DENND4C: variants seen among roughly 807,000 people sequenced by gnomAD.
DENND4C encodes the protein DENN domain containing 4C.
Under a neutral mutation model 203.0 loss-of-function variants are expected in DENND4C, and 108 were observed. That is an observed-to-expected ratio of 0.53 (90% CI 0.46 to 0.62). The LOEUF (loss-of-function observed/expected upper bound fraction) is 0.62, where lower values mean the gene tolerates loss of function less well. Among genes scored for constraint, DENND4C ranks in the 20% least tolerant of loss-of-function variants. The pLI is 0.00. For synonymous variants in DENND4C, 871 were observed against 792.4 expected (o/e 1.10, Z -1.67); for missense variants, 2,481 against 2,301.2 (o/e 1.08, Z -1.60).
intron 1 of DENND4C, among the ~76,000 whole-genome samples, chr9:19,269,157 T>C (rs765530040): frequency 3.3e-5 from 5 of 152,122 alleles, no homozygotes; most frequent in Non-Finnish European, 7.4e-5. Context: ...CTGTATTTCC[T>C]TTCTTTCTTT....
At chr9:19,286,698 C>CTATA in intron 2 of DENND4C, 71 bp from the exon 3 acceptor site, 2 of 1,155,174 alleles carry the variant, frequency 1.7e-6, no homozygotes, top group Non-Finnish European at 2.2e-6. Flanking sequence ...AATGCATGTA[C>CTATA]TATATATATG....
intron 12 of DENND4C, among the ~76,000 whole-genome samples, chr9:19,320,346 G>A (rs550290826): frequency 1.3e-5 from 2 of 151,986 alleles, no homozygotes; most frequent in East Asian, 1.9e-4. Context: ...TTACAGGCGC[G>A]CACCACCATG....
chr9:19,367,865 C>T (rs1256699332), intron 30 of DENND4C, among the ~76,000 whole-genome samples: 3 of 152,150 alleles, frequency 2.0e-5, no homozygotes, highest in Non-Finnish European at 4.4e-5. Context: ...ATCTTGAAAC[C>T]ACTCTAGAAG....
At chr9:19,349,478 C>T (rs1823615594) in intron 23 of DENND4C, among the ~76,000 whole-genome samples, 1 of 152,190 alleles carries the variant, frequency 6.6e-6, no homozygotes, top group South Asian at 2.1e-4. Flanking sequence ...GAATATGTGA[C>T]ACTGTAAATT....
intron 1 of DENND4C, among the ~76,000 whole-genome samples, chr9:19,255,169 G>C (rs957714475): frequency 6.6e-6 from 1 of 152,014 alleles, no homozygotes; most frequent in African/African-American, 2.4e-5. Flanking sequence ...TCAGGAGGTG[G>C]AGGCTGGAGG....
In DENND4C at chr9:19,251,091, T is replaced by C. The variant is rs764130587; in HGVS notation, c.-18+20258T>C. Among the ~76,000 whole-genome samples, 47 of 152,230 alleles carry C rather than the reference T, an allele frequency of 3.1e-4. 1 individual carries two copies. The highest frequency in any genetic ancestry group is 6.2e-4 in the Non-Finnish European group (42 of 68,038). ...CCTTCCACACTGCCCTAGCAGAGGT[T>C]CTCCATGAGGGCCCCGCCCCTGCAG... On this transcript the variant is annotated intron_variant, in intron 1 of 32. Coordinates refer to ENST00000434457, the MANE Select transcript of DENND4C (RefSeq NM_001330640.2).
At chr9:19,348,001 C>T (rs1055107696) in intron 23 of DENND4C, among the ~76,000 whole-genome samples, 3 of 152,062 alleles carry the variant, frequency 2.0e-5, no homozygotes, top group African/African-American at 7.2e-5. Flanking sequence ...GAAATTTCAC[C>T]TTGTATGAAA....
intron 5 of DENND4C, among the ~76,000 whole-genome samples, chr9:19,295,421 C>T (rs1354877033): frequency 1.6e-4 from 24 of 151,974 alleles, no homozygotes; most frequent in Middle Eastern, 3.4e-3. Flanking sequence ...AGGAGAATGG[C>T]GTGAACCCAG....
intron 1 of DENND4C, among the ~76,000 whole-genome samples, chr9:19,242,796 T>C (rs62560343): frequency 6.6e-6 from 1 of 151,990 alleles, no homozygotes; most frequent in African/African-American, 2.4e-5. Flanking sequence ...GCTGGGACTA[T>C]AGGCGCATGC....
At chr9:19,278,545 T>A (rs1833380993) in intron 2 of DENND4C, among the ~76,000 whole-genome samples, 1 of 152,092 alleles carries the variant, frequency 6.6e-6, no homozygotes, top group Non-Finnish European at 1.5e-5. Context: ...GTTATAAAGA[T>A]CCTCATACTC....
intron 1 of DENND4C, among the ~76,000 whole-genome samples, chr9:19,256,195 A>G (rs944187821): frequency 3.7e-4 from 57 of 152,114 alleles, no homozygotes; most frequent in African/African-American, 1.3e-3. Flanking sequence ...TTTAAGTTAG[A>G]AATCAGTAAC....
At chr9:19,371,220 T>G (rs747905346) in intron 31 of DENND4C, among the ~76,000 whole-genome samples, 5 of 152,222 alleles carry the variant, frequency 3.3e-5, no homozygotes, top group Non-Finnish European at 7.3e-5. Context: ...TTGTAACATT[T>G]TAATGCTCAC....
Position 19,346,565 on chromosome 9 carries a change from C to G in DENND4C, c.3796C>G (p.Pro1266Ala). The change falls in exon 23 of 33, where the codon CCT (proline) becomes GCT (alanine). Residue 1266 changes from proline (P) to alanine (A), a missense_variant. This residue lies in a region of DENND4C where 2,289 missense variants were observed against 2,113.3 expected (regional missense o/e 1.08). Coordinates refer to ENST00000434457, the MANE Select transcript of DENND4C (RefSeq NM_001330640.2). ...LATECTGGKTPDSEDKLFSPV... is the reference protein window; with the variant it reads ...LATECTGGKTADSEDKLFSPV... The stretch of plus-strand genomic sequence containing the variant: ...CACTGAATGTACAGGAGGAAAAACT[C>G]CTGATTCTGAAGATAAGTTGTTTTC... The G allele has an allele frequency of 6.2e-7, 1 of 1,614,118 alleles. No homozygotes were observed.
rs1319550294 is a variant in DENND4C at position 19,373,537 on chromosome 9, A to G, written c.*1364A>G. On this transcript the variant is annotated 3_prime_UTR_variant, in exon 33 of 33. Coordinates refer to ENST00000434457, the MANE Select transcript of DENND4C (RefSeq NM_001330640.2). ...TGTATGCTTGTGAGTAAAAATGTGC[A>G]TTTGTAAATACTGTGTTTTTAGGTT... is the stretch of plus-strand genomic sequence containing the variant. 2.0e-5 allele frequency: 3 copies of G among 152,638 alleles called. No individual in the cohort carries two copies. Among genetic ancestry groups the G allele is most frequent in the African/African-American group, 7.2e-5 (3 of 41,456 alleles). The allele number at this position is 152,638 out of a possible 1,614,324, so 9.5% of individuals were successfully genotyped here. A position where few individuals can be genotyped will look rare whatever the true frequency, so the allele number is the denominator to read the frequency against.
At chr9:19,364,328 G>GT (rs1827159526) in intron 30 of DENND4C, among the ~76,000 whole-genome samples, 1 of 152,216 alleles carries the variant, frequency 6.6e-6, no homozygotes, top group South Asian at 2.1e-4. Flanking sequence ...TTTTAGATGT[G>GT]TAAAATGATA....
At chr9:19,344,630 T>A (rs1822398797) in intron 22 of DENND4C, among the ~76,000 whole-genome samples, 1 of 152,126 alleles carries the variant, frequency 6.6e-6, no homozygotes, top group Admixed American at 6.5e-5. Context: ...GACCCCCAAG[T>A]AGCTGGGACT....
chr9:19,323,928 C>T (rs1267896583), intron 12 of DENND4C, among the ~76,000 whole-genome samples: 3 of 152,142 alleles, frequency 2.0e-5, no homozygotes, highest in Non-Finnish European at 4.4e-5. Flanking sequence ...TGAGATGCTG[C>T]AGAATCTGAA....
rs572153586 is a variant in DENND4C, at chr9:19,318,537, G to A, written c.1807+1698G>A. On this transcript the variant is annotated intron_variant, in intron 12 of 32. Coordinates refer to ENST00000434457, the MANE Select transcript of DENND4C (RefSeq NM_001330640.2). ...TCAAGAGGAAAAGCACAAGGTCTGC[G>A]GATTTGTTTGCTGGGGCTGCCATAA... Among the ~76,000 whole-genome samples, 4 of 152,250 alleles carry A rather than the reference G, an allele frequency of 2.6e-5. No individual in the cohort carries two copies. The East Asian group carries it at 5.8e-4, about 22-fold the overall frequency.
At chr9:19,281,599 G>T (rs1834052037) in intron 2 of DENND4C, among the ~76,000 whole-genome samples, 1 of 152,168 alleles carries the variant, frequency 6.6e-6, no homozygotes, top group Non-Finnish European at 1.5e-5. Context: ...CTCTAGAAAA[G>T]ATGTTAAGTT....
Sources: gnomAD v4.1 joint callset for allele counts (sites outside exome capture counted in the v4.1 genomes callset) on GRCh38, gnomAD v4.1.1 for gene constraint, gnomAD v4.1.1 regional missense constraint, MANE v1.5 for transcripts, NCBI Gene and HGNC (gene_info 2026-07-23, HGNC 2026-07-21) for gene names.